The following MYOCOS variants were observed in gnomAD, a reference collection of about 807,000 sequenced individuals.
MYOCOS encodes myocilin opposite strand, also known as myocilin opposite strand protein.
intron 1 of MYOCOS, among the ~76,000 whole-genome samples, chr1:171,604,726 G>A (rs530938380): frequency 1.3e-5 from 2 of 152,262 alleles, no homozygotes; most frequent in East Asian, 3.9e-4. Flanking sequence ...TTACACAGCA[G>A]AAAATAAGTA....
chr1:171,624,742 C>T lies in MYOCOS; in HGVS notation c.95+764C>T, dbSNP rs1030309394. 5.3e-5 allele frequency among the ~76,000 whole-genome samples: 8 copies of T among 151,918 alleles called. No individual in the cohort carries two copies. The South Asian group carries it at 1.0e-3, about 20-fold the overall frequency. ...GATTACAGGCGTGAGCGACTGTGCCCGGCCAGTTTTTTTGTATTTTTAATA... is the reference window on the plus strand; with the variant it reads ...GATTACAGGCGTGAGCGACTGTGCCTGGCCAGTTTTTTTGTATTTTTAATA... On this transcript the variant is annotated intron_variant, in intron 2 of 2. Transcript: ENST00000637642.
chr1:171,626,644 A>G lies in MYOCOS; in HGVS notation c.*43A>G. The G allele has an allele frequency of 2.5e-6, 1 of 398,508 alleles. No homozygotes were observed. The highest frequency in any genetic ancestry group is 3.6e-5 in the East Asian group (1 of 28,074). The allele number at this position is 398,508 out of a possible 1,614,324, so 24.7% of individuals were successfully genotyped here. ...GAAGTGAATTCTTACACAGAACTCC[A>G]GAAAACAGTTTCAGTGGCATTCTTG... On this transcript the variant is annotated 3_prime_UTR_variant, in exon 3 of 3. Coordinates refer to ENST00000637642, the MANE Select transcript of MYOCOS (RefSeq NM_001391940.1).
rs1181489857 is a variant in MYOCOS at position 171,623,698 on chromosome 1, G to A, written c.-43-143G>A. 1.0e-5 allele frequency: 4 copies of A among 394,444 alleles called. No individual in the cohort carries two copies. In the East Asian group the frequency reaches 1.1e-4, roughly 11 times the overall value. 24.4% of individuals were successfully genotyped at this position (394,444 alleles called of 1,614,324 possible). ...ATCTGCCTCTTGACCTTGGGGGGAAGGGGGATGAAGGCCAGGCTGTAGGGA... is the reference window on the plus strand; with the variant it reads ...ATCTGCCTCTTGACCTTGGGGGGAAAGGGGATGAAGGCCAGGCTGTAGGGA... On this transcript the variant is annotated intron_variant, in intron 1 of 2. Transcript: ENST00000637642.
chr1:171,607,214 G>C (rs1367870260), intron 1 of MYOCOS, among the ~76,000 whole-genome samples: 5 of 151,952 alleles, frequency 3.3e-5, no homozygotes, highest in Admixed American at 3.3e-4. Flanking sequence ...ATGAAATAAA[G>C]GGTTTTTTAG....
chr1:171,608,408 CTT>C lies in MYOCOS; in HGVS notation c.-251-6364_-251-6363del, dbSNP rs34773729. 4.3e-4 allele frequency among the ~76,000 whole-genome samples: 22 copies of C among 51,376 alleles called. No individual in the cohort carries two copies. In the East Asian group the frequency reaches 4.4e-3, roughly 10 times the overall value. 33.7% of individuals were successfully genotyped at this position (51,376 alleles called of 152,430 possible). On this transcript the variant is annotated intron_variant, in intron 1 of 3. Coordinates refer to the MYOCOS transcript ENST00000636697. ...CTGGCCTTGAGTCCAGGGAACCAGA[CTT>C]TTTTTTTTTTTTTTTTTTTTTTTTT...
At chr1:171,623,702 G>C in intron 1 of MYOCOS, 139 bp from the exon 2 acceptor site, 2 of 395,216 alleles carry the variant, frequency 5.1e-6, no homozygotes, top group Non-Finnish European at 8.9e-6. Flanking sequence ...GGGGAAGGGG[G>C]ATGAAGGCCA....
upstream of MYOCOS, among the ~76,000 whole-genome samples, chr1:171,619,613 C>G (rs148502281): frequency 2.6e-5 from 4 of 152,210 alleles, 1 homozygote; most frequent in African/African-American, 9.6e-5. Context: ...TTTTGGGAAG[C>G]TAAGATGGAC....
At chr1:171,606,909 G>T (rs1220766026) in intron 1 of MYOCOS, among the ~76,000 whole-genome samples, 2 of 151,900 alleles carry the variant, frequency 1.3e-5, no homozygotes, top group Non-Finnish European at 1.5e-5. Flanking sequence ...CTGACCAAGA[G>T]GGTGAAACCC....
chr1:171,608,819 G>A (rs750083398), intron 1 of MYOCOS, among the ~76,000 whole-genome samples: 3 of 152,110 alleles, frequency 2.0e-5, no homozygotes, highest in African/African-American at 7.2e-5. Flanking sequence ...ATTCTCTGCC[G>A]AGGGCAATTC....
intron 1 of MYOCOS, among the ~76,000 whole-genome samples, chr1:171,612,684 G>A (rs1284228998): frequency 2.6e-5 from 4 of 151,932 alleles, no homozygotes; most frequent in African/African-American, 9.7e-5. Context: ...AAAAAAATTA[G>A]CCGGCCGTGG....
chr1:171,602,222 G>C (rs989177447), intron 1 of MYOCOS, among the ~76,000 whole-genome samples: 1 of 151,984 alleles, frequency 6.6e-6, no homozygotes, highest in Non-Finnish European at 1.5e-5. Context: ...AATTGTGTGC[G>C]AAAGTCGTGA....
At chr1:171,615,378 T>C (rs1652428102) in intron 2 of MYOCOS, among the ~76,000 whole-genome samples, 1 of 151,686 alleles carries the variant, frequency 6.6e-6, no homozygotes, top group African/African-American at 2.4e-5. Flanking sequence ...TGAGAGAGAG[T>C]GAAAGAGATA....
At chr1:171,626,158 C>T (rs560398895) in intron 2 of MYOCOS, among the ~76,000 whole-genome samples, 25 of 152,332 alleles carry the variant, frequency 1.6e-4, no homozygotes, top group Non-Finnish European at 2.8e-4. Flanking sequence ...TCATAGCTCA[C>T]TGTAGCCTCG....
upstream of MYOCOS, among the ~76,000 whole-genome samples, chr1:171,617,631 G>A (rs1652474390): frequency 6.6e-6 from 1 of 152,174 alleles, no homozygotes; most frequent in African/African-American, 2.4e-5. Flanking sequence ...AAGTGGATTT[G>A]ACAGAGAATT....
At chr1:171,604,693 G>C (rs190854174) in intron 1 of MYOCOS, among the ~76,000 whole-genome samples, 1 of 152,104 alleles carries the variant, frequency 6.6e-6, no homozygotes, top group African/African-American at 2.4e-5. Context: ...GATAGGATGC[G>C]GTTCTCTAGA....
intron 1 of MYOCOS, among the ~76,000 whole-genome samples, chr1:171,611,658 C>G (rs1652353753): frequency 6.6e-6 from 1 of 152,170 alleles, no homozygotes; most frequent in Non-Finnish European, 1.5e-5. Flanking sequence ...GGGTCCTTTC[C>G]TGCTCTAATA....
chr1:171,601,558 G>C (rs1652143052), intron 1 of MYOCOS, among the ~76,000 whole-genome samples: 1 of 151,998 alleles, frequency 6.6e-6, no homozygotes, highest in African/African-American at 2.4e-5. Context: ...TTCAAGAAAA[G>C]ATTTTAGGGA....
intron 1 of MYOCOS, 131 bp from the exon 2 acceptor site, chr1:171,623,710 C>T (rs1652620421): frequency 2.5e-6 from 1 of 395,344 alleles, no homozygotes; most frequent in Non-Finnish European, 4.4e-6. Context: ...GGGATGAAGG[C>T]CAGGCTGTAG....
At chr1:171,613,889 C>T (rs938555421) in intron 1 of MYOCOS, among the ~76,000 whole-genome samples, 1 of 152,126 alleles carries the variant, frequency 6.6e-6, no homozygotes, top group Non-Finnish European at 1.5e-5. Flanking sequence ...ATGAAAGCCT[C>T]TTTATATGCT....
Sources: gnomAD v4.1 joint callset for allele counts (sites outside exome capture counted in the v4.1 genomes callset) on GRCh38, gnomAD v4.1.1 for gene constraint, MANE v1.5 for transcripts, NCBI Gene and HGNC (gene_info 2026-07-23, HGNC 2026-07-21) for gene names.